The following SGCZ variants were observed in gnomAD, a reference collection of about 807,000 sequenced individuals.
SGCZ encodes sarcoglycan zeta.
A neutral mutation model predicts 41.3 loss-of-function variants in SGCZ; 40 were observed. The observed-to-expected ratio is 0.97, with a 90% CI of 0.75 to 1.26. The LOEUF (loss-of-function observed/expected upper bound fraction) is 1.26. Among genes scored for constraint, SGCZ ranks in the 50% most tolerant of loss-of-function variants. The pLI is 0.00. For missense variants in SGCZ, 552 were observed against 369.8 expected (o/e 1.49, Z -4.04); for synonymous variants, 206 against 137.5 (o/e 1.50, Z -3.49).
intron 1 of SGCZ, among the ~76,000 whole-genome samples, chr8:15,027,495 T>G (rs1490740423): frequency 6.6e-6 from 1 of 152,124 alleles, no homozygotes; most frequent in African/African-American, 2.4e-5. Flanking sequence ...GAGCTGAATG[T>G]ACATTCTGAG....
intron 4 of SGCZ, among the ~76,000 whole-genome samples, chr8:14,186,501 G>A (rs188093630): frequency 1.6e-4 from 25 of 152,264 alleles, no homozygotes; most frequent in African/African-American, 4.3e-4. Flanking sequence ...TCTTTCATAG[G>A]ATGGAGGGTC....
intron 3 of SGCZ, among the ~76,000 whole-genome samples, chr8:14,262,732 T>C (rs1032883822): frequency 1.3e-5 from 2 of 151,462 alleles, no homozygotes; most frequent in African/African-American, 2.4e-5. Flanking sequence ...TCATCAAAGA[T>C]GTATCGTGAT....
At chr8:14,724,462 A>T (rs2250541) in intron 1 of SGCZ, among the ~76,000 whole-genome samples, 110,286 of 151,482 alleles carry the variant, frequency 0.73, 40,236 homozygotes, top group Admixed American at 0.77. Flanking sequence ...TTATTATATT[A>T]ACTTCAAATA....
intron 1 of SGCZ, among the ~76,000 whole-genome samples, chr8:14,790,920 A>T (rs1800929517): frequency 6.6e-6 from 1 of 151,474 alleles, no homozygotes; most frequent in African/African-American, 2.4e-5. Flanking sequence ...AATCCTACCC[A>T]CTCGAGTGGT....
At chr8:14,104,396 TAC>T (rs1010134950) in intron 6 of SGCZ, among the ~76,000 whole-genome samples, 7 of 148,298 alleles carry the variant, frequency 4.7e-5, no homozygotes, top group Non-Finnish European at 1.0e-4. Context: ...TGCAACAAGA[TAC>T]AGTTTTTAAG....
At chr8:15,033,120 T>C (rs904937518) in intron 1 of SGCZ, among the ~76,000 whole-genome samples, 2 of 151,864 alleles carry the variant, frequency 1.3e-5, no homozygotes, top group African/African-American at 2.4e-5. Context: ...CAGGCCTGCT[T>C]TAAGAGTCCC....
intron 4 of SGCZ, among the ~76,000 whole-genome samples, chr8:14,184,208 G>A (rs929748615): frequency 1.4e-5 from 2 of 141,586 alleles, no homozygotes; most frequent in Admixed American, 7.0e-5. Context: ...TTAGGATTTT[G>A]ATCTGAGTGT....
chr8:14,306,852 G>C, intron 3 of SGCZ, among the ~76,000 whole-genome samples: 1 of 152,262 alleles, frequency 6.6e-6, no homozygotes, highest in East Asian at 1.9e-4. Flanking sequence ...AAATAAACAT[G>C]TATTAATACA....
chr8:15,103,363 T>C (rs1307863882), intron 1 of SGCZ, among the ~76,000 whole-genome samples: 1 of 151,876 alleles, frequency 6.6e-6, no homozygotes. Flanking sequence ...ATGGCGCCAC[T>C]GCATTCCAGC....
chr8:14,857,186 C>G (rs1361952728), intron 1 of SGCZ, among the ~76,000 whole-genome samples: 1 of 152,168 alleles, frequency 6.6e-6, no homozygotes, highest in African/African-American at 2.4e-5. Context: ...CCCTTCACCT[C>G]CTGCCATGAT....
chr8:15,187,269 C>T (rs1283381194), intron 1 of SGCZ, among the ~76,000 whole-genome samples: 1 of 152,066 alleles, frequency 6.6e-6, no homozygotes, highest in African/African-American at 2.4e-5. Flanking sequence ...TAAGGCAATG[C>T]TTCTAACACA....
intron 1 of SGCZ, among the ~76,000 whole-genome samples, chr8:14,728,442 C>A (rs569635933): frequency 3.0e-4 from 44 of 149,136 alleles, no homozygotes; most frequent in African/African-American, 1.1e-3. Context: ...ACAAAAATAT[C>A]TTTGACAATG....
chr8:14,672,757 C>T (rs1475292610), intron 1 of SGCZ, among the ~76,000 whole-genome samples: 1 of 152,122 alleles, frequency 6.6e-6, no homozygotes, highest in Non-Finnish European at 1.5e-5. Flanking sequence ...TTAACACTAC[C>T]TTTACTTCAT....
chr8:14,928,519 G>A (rs1480714144), intron 1 of SGCZ, among the ~76,000 whole-genome samples: 3 of 152,146 alleles, frequency 2.0e-5, no homozygotes, highest in South Asian at 2.1e-4. Context: ...GAGATTTGCT[G>A]ATTTTTACAA....
chr8:15,136,535 T>G (rs1325633043), intron 1 of SGCZ, among the ~76,000 whole-genome samples: 1 of 152,118 alleles, frequency 6.6e-6, no homozygotes, highest in African/African-American at 2.4e-5. Context: ...GTAGATCCCA[T>G]AATCCTCAGG....
Position 15,107,659 on chromosome 8 carries a change from T to G in SGCZ, c.39+129926A>C, listed in dbSNP as rs1034108860. On this transcript the variant is annotated intron_variant, in intron 1 of 7. Transcript: ENST00000382080. The stretch of plus-strand genomic sequence containing the variant: ...TGAACTACATAAACCTTTTTTTTGT[T>G]TGTTTATTTTTGTTTTAAGTTACCC... 1.1e-4 allele frequency among the ~76,000 whole-genome samples: 16 copies of G among 152,226 alleles called. No homozygotes were observed. The East Asian group carries it at 3.1e-3, about 29-fold the overall frequency.
intron 2 of SGCZ, among the ~76,000 whole-genome samples, chr8:14,429,050 C>A (rs1585499137): frequency 2.6e-5 from 4 of 152,160 alleles, no homozygotes; most frequent in African/African-American, 7.2e-5. Flanking sequence ...AAGAACCTAG[C>A]ACGTTATACA....
intron 1 of SGCZ, among the ~76,000 whole-genome samples, chr8:14,815,684 C>T (rs954152981): frequency 1.3e-5 from 2 of 152,174 alleles, no homozygotes; most frequent in Non-Finnish European, 2.9e-5. Context: ...GTGTGAACAA[C>T]TATTCCATTC....
chr8:14,222,142 G>A (rs1015592009), intron 4 of SGCZ, among the ~76,000 whole-genome samples: 1 of 151,966 alleles, frequency 6.6e-6, no homozygotes, highest in Non-Finnish European at 1.5e-5. Context: ...CATTACTTCA[G>A]GTTTTTGTTG....
Sources: allele counts gnomAD v4.1 joint callset (sites outside exome capture counted in the v4.1 genomes callset), GRCh38; gene constraint gnomAD v4.1.1; transcripts MANE v1.5; gene names NCBI Gene and HGNC (gene_info 2026-07-23, HGNC 2026-07-21).